The following EPB41L1 variants were observed in gnomAD, a reference collection of about 807,000 sequenced individuals.
EPB41L1 encodes band 4.1-like protein 1.
EPB41L1 carries 29 observed loss-of-function variants against 97.8 expected under a neutral mutation model. The ratio of observed to expected loss-of-function variants is 0.30; its 90% confidence interval spans 0.22 to 0.40. The LOEUF (loss-of-function observed/expected upper bound fraction) is 0.40, where lower values mean the gene tolerates loss of function less well. EPB41L1 is among the 10% of genes least tolerant of loss of function. The probability of loss-of-function intolerance (pLI) is 1.00; values close to 1 mark genes in which losing one functional copy is unlikely to be tolerated. For missense variants in EPB41L1, 812 were observed against 1,162.3 expected (o/e 0.70, Z 4.38); for synonymous variants, 383 against 459.2 (o/e 0.83, Z 2.12).
intron 3 of EPB41L1, 63 bp from the exon 4 acceptor site, chr20:36,177,889 G>A (rs1181934122): frequency 8.2e-6 from 11 of 1,336,510 alleles, no homozygotes; most frequent in African/African-American, 1.4e-5. Context: ...GGAGCCCAGG[G>A]TATCTCCCAG....
chr20:36,098,829 G>A (rs1380848289), intron 1 of EPB41L1, among the ~76,000 whole-genome samples: 1 of 152,104 alleles, frequency 6.6e-6, no homozygotes, highest in Non-Finnish European at 1.5e-5. Flanking sequence ...TCTATGAAAT[G>A]GAGACAGTAG....
At chr20:36,134,439 A>G (rs956639648) in intron 2 of EPB41L1, among the ~76,000 whole-genome samples, 5 of 152,152 alleles carry the variant, frequency 3.3e-5, no homozygotes, top group African/African-American at 1.2e-4. Context: ...CCTGGTATTG[A>G]TGGTTTGACA....
intron 1 of EPB41L1, among the ~76,000 whole-genome samples, chr20:36,158,159 C>G (rs1220984766): frequency 2.0e-5 from 3 of 152,098 alleles, no homozygotes; most frequent in African/African-American, 7.3e-5. Context: ...AGGATTCAAA[C>G]CTAGGCAGTG....
chr20:36,099,984 TG>T (rs1301575812), intron 1 of EPB41L1, among the ~76,000 whole-genome samples: 1 of 152,230 alleles, frequency 6.6e-6, no homozygotes, highest in East Asian at 1.9e-4. Context: ...ATGGGCCGGT[TG>T]TTCTGTTATC....
chr20:36,142,698 G>A (rs932914281), intron 2 of EPB41L1, among the ~76,000 whole-genome samples: 6 of 152,180 alleles, frequency 3.9e-5, no homozygotes, highest in Non-Finnish European at 8.8e-5. Flanking sequence ...TGGCCTGATG[G>A]GGCTGGGTTG....
intron 12 of EPB41L1, among the ~76,000 whole-genome samples, chr20:36,194,717 G>C (rs1177432751): frequency 6.6e-6 from 1 of 152,168 alleles, no homozygotes; most frequent in Non-Finnish European, 1.5e-5. Flanking sequence ...GCATGACCAG[G>C]TGTCACCAAC....
chr20:36,142,120 AAAAAG>A (rs1287009192), intron 2 of EPB41L1, among the ~76,000 whole-genome samples: 2 of 152,002 alleles, frequency 1.3e-5, no homozygotes, highest in East Asian at 3.8e-4. Context: ...AAAAAAAAAA[AAAAAG>A]AAAAGAAAAA....
At chr20:36,140,469 G>A (rs148909162) in intron 2 of EPB41L1, among the ~76,000 whole-genome samples, 105 of 152,284 alleles carry the variant, frequency 6.9e-4, no homozygotes, top group Admixed American at 5.2e-3. Flanking sequence ...CTTCAGGCAA[G>A]CTGAGTCTCA....
chr20:36,141,100 T>TA (rs1371680007), intron 2 of EPB41L1, among the ~76,000 whole-genome samples: 1 of 152,160 alleles, frequency 6.6e-6, no homozygotes, highest in Non-Finnish European at 1.5e-5. Flanking sequence ...GCCCCTTTCA[T>TA]AGACTGTGGG....
At chr20:36,202,728 G>T (rs1012040070) in intron 14 of EPB41L1, among the ~76,000 whole-genome samples, 1 of 150,852 alleles carries the variant, frequency 6.6e-6, no homozygotes, top group African/African-American at 2.4e-5. Flanking sequence ...CAGGAGAATC[G>T]CTTGAACTCG....
At chr20:36,139,774 C>T (rs2059566201) in intron 2 of EPB41L1, among the ~76,000 whole-genome samples, 1 of 149,848 alleles carries the variant, frequency 6.7e-6, no homozygotes, top group South Asian at 2.1e-4. Flanking sequence ...TCTTGTTGCC[C>T]AGGCTGGAGT....
At chr20:36,114,292 G>A (rs990378918) in intron 2 of EPB41L1, among the ~76,000 whole-genome samples, 65 of 152,122 alleles carry the variant, frequency 4.3e-4, no homozygotes, top group African/African-American at 1.4e-3. Flanking sequence ...AGTTTACCCA[G>A]AATTTTGCCC....
chr20:36,133,436 G>A (rs1356247951), intron 2 of EPB41L1, among the ~76,000 whole-genome samples: 2 of 152,238 alleles, frequency 1.3e-5, no homozygotes, highest in Non-Finnish European at 2.9e-5. Context: ...TGTTGTCTGT[G>A]ATACAGGGCC....
chr20:36,128,598 C>T (rs1028372728), intron 2 of EPB41L1, among the ~76,000 whole-genome samples: 4 of 152,158 alleles, frequency 2.6e-5, no homozygotes, highest in Non-Finnish European at 2.9e-5. Context: ...GCCTTGGCCC[C>T]GTGACACTCA....
At chr20:36,127,146 G>A (rs906184890) in intron 2 of EPB41L1, among the ~76,000 whole-genome samples, 1 of 152,226 alleles carries the variant, frequency 6.6e-6, no homozygotes. Flanking sequence ...CATCTGAGAT[G>A]AGCTCAGAGA....
At chr20:36,138,993 C>T (rs371284357) in intron 2 of EPB41L1, among the ~76,000 whole-genome samples, 2 of 152,280 alleles carry the variant, frequency 1.3e-5, no homozygotes, top group Admixed American at 6.5e-5. Flanking sequence ...AAACTTAGAG[C>T]GGGAGGCCTG....
chr20:36,219,062 G>A lies in EPB41L1; in HGVS notation c.2355+100G>A. The A allele has an allele frequency of 2.3e-6, 3 of 1,290,964 alleles. No homozygotes were observed. In the South Asian group the frequency reaches 3.7e-5, roughly 16 times the overall value. 80.0% of individuals were successfully genotyped at this position (1,290,964 alleles called of 1,614,324 possible). A position where few individuals can be genotyped will look rare whatever the true frequency, so the allele number is the denominator to read the frequency against. On this transcript the variant is annotated intron_variant, in intron 18 of 21. Coordinates refer to ENST00000338074, the MANE Select transcript of EPB41L1 (RefSeq NM_012156.2). ...AGGAAGTGCAGCGTTGAGCCCAGAA[G>A]GCACCCTTCTAGGTGCAAAGCCAGG...
At chr20:36,191,823 G>T (rs1334334248) in intron 11 of EPB41L1, among the ~76,000 whole-genome samples, 1 of 152,128 alleles carries the variant, frequency 6.6e-6, no homozygotes, top group Non-Finnish European at 1.5e-5. Context: ...TGTGTTCTAG[G>T]GAAAACTAAA....
chr20:36,103,308 GTT>G (rs2058078224), intron 1 of EPB41L1, among the ~76,000 whole-genome samples: 1 of 152,214 alleles, frequency 6.6e-6, no homozygotes, highest in Admixed American at 6.5e-5. Flanking sequence ...GGCTTACTAA[GTT>G]TGCAGAATCT....
Sources: gnomAD v4.1 joint callset for allele counts (sites outside exome capture counted in the v4.1 genomes callset) on GRCh38, gnomAD v4.1.1 for gene constraint, MANE v1.5 for transcripts, NCBI Gene and HGNC (gene_info 2026-07-23, HGNC 2026-07-21) for gene names.